Variants in MED24 observed in about 807,000 individuals in gnomAD.
MED24 encodes the protein mediator of RNA polymerase II transcription subunit 24.
A neutral mutation model predicts 118.8 loss-of-function variants in MED24; 74 were observed. That is an observed-to-expected ratio of 0.62 (90% CI 0.52 to 0.76). MED24 has a LOEUF of 0.76. Among genes scored for constraint, MED24 ranks in the 30% least tolerant of loss-of-function variants. MED24 has a pLI of 0.00. For synonymous variants in MED24, 521 were observed against 523.9 expected (o/e 0.99, Z 0.08); for missense variants, 1,041 against 1,278.9 (o/e 0.81, Z 2.84).
At chr17:40,053,838 A>G (rs1986080894) in intron 1 of MED24, 5 of 690,084 alleles carry the variant, frequency 7.2e-6, no homozygotes, top group Non-Finnish European at 4.8e-6. Context: ...CTGGGGCACT[A>G]AGAAAGTATC....
At chr17:40,041,758 T>C (rs566868355) in intron 3 of MED24, among the ~76,000 whole-genome samples, 7 of 152,308 alleles carry the variant, frequency 4.6e-5, no homozygotes, top group African/African-American at 1.7e-4. Context: ...TCAAATTGTT[T>C]CAATGCCACT....
intron 3 of MED24, among the ~76,000 whole-genome samples, 182 bp from the exon 4 acceptor site, chr17:40,036,336 C>T (rs975656745): frequency 6.6e-6 from 1 of 152,128 alleles, no homozygotes; most frequent in African/African-American, 2.4e-5. Context: ...CTCTGTCAGA[C>T]TTACTGCAAA....
intron 13 of MED24, 34 bp downstream of exon 13, chr17:40,029,714 G>A (rs369746772): frequency 6.3e-7 from 1 of 1,581,716 alleles, no homozygotes; most frequent in South Asian, 1.1e-5. Flanking sequence ...AGAAGAAAGA[G>A]AAGACTGTGG....
intron 3 of MED24, among the ~76,000 whole-genome samples, chr17:40,043,890 C>CAAAAAAAAAA (rs35743512): frequency 1.5e-4 from 15 of 97,444 alleles, no homozygotes; most frequent in African/African-American, 2.6e-4. Context: ...GACTCCATCT[C>CAAAAAAAAAA]AAAAAAAAAA....
In MED24 at chr17:40,035,067, C is replaced by T. The variant is rs180900781; in HGVS notation, c.559+50G>A. On this transcript the variant is annotated intron_variant, in intron 6 of 25. Transcript: ENST00000394128. ...GCCTCTCCCTTCTCAATTAAAGGAC[C>T]GGCTATGGGAGCAGCGGCAGGTGGG... is the stretch of plus-strand genomic sequence containing the variant. The T allele has an allele frequency of 3.1e-5, 50 of 1,608,780 alleles. No individual in the cohort carries two copies. The East Asian group carries it at 6.7e-4, about 22-fold the overall frequency.
chr17:40,028,931 A>G lies in MED24; in HGVS notation c.1304T>C (p.Leu435Pro). Residue 435 changes from leucine (L) to proline (P), a missense_variant, in exon 14 of 26, where the codon CTG (leucine) becomes CCG (proline). Leu to Pro is a moderately conservative substitution (Grantham distance 98). Transcript: ENST00000394128. ...CAGCATGTGGCCCAGGACTCCCAGC[A>G]GTCCCTCCGGTGACTTAGAGTGGTC... Reference protein sequence around the residue: ...DADHSKSPEGLLGVLGHMLSG... With the variant: ...DADHSKSPEGPLGVLGHMLSG... The G allele has an allele frequency of 6.2e-7, 1 of 1,614,214 alleles. No individual in the cohort carries two copies. Among genetic ancestry groups the G allele is most frequent in the Non-Finnish European group, 8.5e-7 (1 of 1,180,032 alleles).
At chr17:40,031,705 G>A (rs1016052561) in intron 10 of MED24, 85 bp from the exon 11 acceptor site, 12 of 1,298,886 alleles carry the variant, frequency 9.2e-6, no homozygotes, top group South Asian at 1.3e-5. Context: ...TGGAGGCATC[G>A]GCCTGAGTTG....
At chr17:40,046,004 C>T (rs1204833247) in intron 3 of MED24, among the ~76,000 whole-genome samples, 2 of 151,692 alleles carry the variant, frequency 1.3e-5, no homozygotes, top group African/African-American at 2.4e-5. Context: ...GTCTCGGTCT[C>T]CTGACCTCAT....
At chr17:40,030,480 G>C (rs1321474619) in intron 12 of MED24, among the ~76,000 whole-genome samples, 2 of 151,658 alleles carry the variant, frequency 1.3e-5, no homozygotes, top group African/African-American at 4.9e-5. Context: ...ATTTTTAGTA[G>C]AGATGGGGTT....
rs924277248 is a variant in MED24, at chr17:40,019,860, C to T, written c.2778G>A (p.Trp926Ter). The T allele has an allele frequency of 3.1e-6, 5 of 1,593,058 alleles. No individual in the cohort carries two copies. The highest frequency in any genetic ancestry group is 3.4e-6 in the Non-Finnish European group (4 of 1,169,296). ...TAGPHTQFVQ[W>*]FMEECVDCLE... ...GGCAGTCCACACACTCCTCCATGAA[C>T]CACTGCACGAACTGGGTGTGGGGGC... Residue 926 changes from tryptophan (W) to a stop codon, truncating the protein, a stop_gained, in exon 25 of 26, where the codon TGG becomes TGA. Transcript: ENST00000394128. LOFTEE classifies it high-confidence loss of function.
intron 23 of MED24, 133 bp downstream of exon 23, chr17:40,021,822 G>C: frequency 3.0e-6 from 2 of 664,272 alleles, no homozygotes; most frequent in Non-Finnish European, 2.6e-6. Context: ...TTGGGGGCTA[G>C]AACAGCAGGT....
chr17:40,031,068 C>G (rs769083307), intron 12 of MED24, 91 bp downstream of exon 12: 14 of 1,299,964 alleles, frequency 1.1e-5, no homozygotes, highest in Non-Finnish European at 1.5e-5. Flanking sequence ...CCCAAACTTT[C>G]GACAGGAGGT....
chr17:40,035,581 A>G, intron 5 of MED24, 141 bp downstream of exon 5: 1 of 937,514 alleles, frequency 1.1e-6, no homozygotes, highest in Non-Finnish European at 1.6e-6. Flanking sequence ...AAAGGAGGGC[A>G]CAGGTAAGTG....
chr17:40,022,128 G>A, intron 22 of MED24, 74 bp from the exon 23 acceptor site: 2 of 1,229,378 alleles, frequency 1.6e-6, no homozygotes, highest in Non-Finnish European at 1.1e-6. Flanking sequence ...AAGAGCTTGA[G>A]CTCCGATTTG....
At position 40,019,447 on chromosome 17, in the gene MED24, C is replaced by T; in HGVS notation, c.*82G>A. 1 of 1,161,222 alleles carries T rather than the reference C, an allele frequency of 8.6e-7. No homozygotes were observed. Among genetic ancestry groups the T allele is most frequent in the Non-Finnish European group, 1.3e-6 (1 of 791,690 alleles). The allele number at this position is 1,161,222 out of a possible 1,614,324, so 71.9% of individuals were successfully genotyped here. ...TGTGGAGCGGATGTGAGGCACGATG[C>T]CTCATCTTTCCTCACTGCTTCCCTT... On this transcript the variant is annotated 3_prime_UTR_variant, in exon 26 of 26. Transcript: ENST00000394128.
rs770476281 is a variant in MED24, at chr17:40,036,158, G to A, written c.214-4C>T. ...GGACAGAAGAGTAGGACACCATCTG[G>A]AGAGAAGGAAGAAAGATAATCTTTA... On this transcript the variant is annotated splice_region_variant and splice_polypyrimidine_tract_variant and intron_variant, in intron 3 of 25. Coordinates refer to ENST00000394128, the MANE Select transcript of MED24 (RefSeq NM_014815.4). 6.2e-7 allele frequency: 1 copy of A among 1,609,938 alleles called. No homozygotes were observed. Among genetic ancestry groups the A allele is most frequent in the South Asian group, 1.1e-5 (1 of 91,002 alleles).
intron 3 of MED24, among the ~76,000 whole-genome samples, chr17:40,039,192 G>A (rs1411986982): frequency 6.6e-6 from 1 of 152,208 alleles, no homozygotes; most frequent in Non-Finnish European, 1.5e-5. Flanking sequence ...ATTCTGTTCA[G>A]CAGATTTCTG....
Position 40,026,977 on chromosome 17 carries a change from G to C in MED24, c.1588C>G (p.Gln530Glu), listed in dbSNP as rs777369383. 6.2e-7 allele frequency: 1 copy of C among 1,614,154 alleles called. No homozygotes were observed. Among genetic ancestry groups the C allele is most frequent in the Non-Finnish European group, 8.5e-7 (1 of 1,180,016 alleles). The change falls in exon 17 of 26, where the codon CAG (glutamine) becomes GAG (glutamate). Residue 530 changes from glutamine (Q) to glutamate (E), a missense_variant. This residue lies in a region of MED24 where 587 missense variants were observed against 694.4 expected (regional missense o/e 0.85). Coordinates refer to ENST00000394128, the MANE Select transcript of MED24 (RefSeq NM_014815.4). ...AEVPFFETWMQTCMPEEGKIL... is the reference protein window; with the variant it reads ...AEVPFFETWMETCMPEEGKIL... ...TTGCCCTCCTCAGGCATGCAGGTCT[G>C]CATCCAGGTCTCGAAGAAGGGCACC... is the stretch of plus-strand genomic sequence containing the variant.
At position 40,019,798 on chromosome 17, in the gene MED24, A is replaced by G. The variant is rs749203968; in HGVS notation, c.2840T>C (p.Met947Thr). 9 of 1,611,392 alleles carry G rather than the reference A, an allele frequency of 5.6e-6. No homozygotes were observed. The highest frequency in any genetic ancestry group is 7.6e-6 in the Non-Finnish European group (9 of 1,178,706). ...QGGRGSVLQF[M>T]PFTTVSELVK... ...GGTGGTACTCACGGTGGTGAAGGGC[A>G]TGAACTGCAGGACGCTGCCACGGCC... Residue 947 changes from methionine to threonine, a missense_variant, in exon 25 of 26, where the codon ATG becomes ACG. By Grantham distance (81) the Met-to-Thr change is moderately conservative. Transcript: ENST00000394128.
Sources: gnomAD v4.1 joint callset for allele counts (sites outside exome capture counted in the v4.1 genomes callset) on GRCh38, gnomAD v4.1.1 for gene constraint, gnomAD v4.1.1 regional missense constraint, MANE v1.5 for transcripts, NCBI Gene and HGNC (gene_info 2026-07-23, HGNC 2026-07-21) for gene names.